CYP26B1: variants seen among roughly 807,000 people sequenced by gnomAD.
CYP26B1 encodes the protein cytochrome P450 26B1.
CYP26B1 carries 8 observed loss-of-function variants against 39.1 expected under a neutral mutation model. The ratio of observed to expected loss-of-function variants is 0.20; its 90% CI spans 0.12 to 0.37. The LOEUF is 0.37. CYP26B1 is among the 10% of genes least tolerant of loss of function. The pLI, the probability that CYP26B1 is intolerant of heterozygous loss-of-function variation, is 1.00. For missense variants in CYP26B1, 615 were observed against 707.0 expected, an observed-to-expected ratio of 0.87 and a Z score of 1.48; for synonymous variants, 321 against 314.3, an observed-to-expected ratio of 1.02 and a Z score of -0.23.
chr2:72,131,886 C>T lies in CYP26B1; in HGVS notation c.*341G>A, dbSNP rs1015113436. 3.1e-4 allele frequency: 92 copies of T among 301,272 alleles called. No homozygotes were observed. Among genetic ancestry groups the T allele is most frequent in the Non-Finnish European group, 3.9e-4 (63 of 159,628 alleles). The allele number at this position is 301,272 out of a possible 1,614,324, so 18.7% of individuals were successfully genotyped here. A position where few individuals can be genotyped will look rare whatever the true frequency, so the allele number is the denominator to read the frequency against. On this transcript the variant is annotated 3_prime_UTR_variant, in exon 6 of 6. Coordinates refer to ENST00000001146, the MANE Select transcript of CYP26B1 (RefSeq NM_019885.4). ...CCCAGCTAAAAGGGTCCGAAAGGAA[C>T]GGAGGGAAGGGAGCAGTTCAGAACA...
intron 2 of CYP26B1, among the ~76,000 whole-genome samples, chr2:72,139,292 C>A (rs536316639): frequency 6.6e-6 from 1 of 152,204 alleles, no homozygotes; most frequent in Non-Finnish European, 1.5e-5. Flanking sequence ...CAGCCGTCCG[C>A]ACAGGGGTGA....
At position 72,132,261 on chromosome 2, in the gene CYP26B1, G is replaced by A. The variant is rs375261360; in HGVS notation, c.1505C>T (p.Pro502Leu). ...GGCGCTCAGCATGGCCTCCGTCTCCGGCAGGATCTCGTTCTGGTTGGAGTC... is the reference window on the plus strand; with the variant it reads ...GGCGCTCAGCATGGCCTCCGTCTCCAGCAGGATCTCGTTCTGGTTGGAGTC... ...GLDSNQNEILPETEAMLSATV is the reference protein window; with the variant it reads ...GLDSNQNEILLETEAMLSATV The change falls in exon 6 of 6, where the codon CCG (proline) becomes CTG (leucine). Residue 502 changes from proline (P) to leucine (L), a missense_variant. Transcript: ENST00000001146. 59 of 1,604,308 alleles carry A rather than the reference G, an allele frequency of 3.7e-5. No homozygotes were observed. Among genetic ancestry groups the A allele is most frequent in the Non-Finnish European group, 4.2e-5 (49 of 1,175,888 alleles).
At chr2:72,143,167 T>G in intron 2 of CYP26B1, 1 of 158,612 alleles carries the variant, frequency 6.3e-6, no homozygotes. Flanking sequence ...GTGGGAGAGG[T>G]CGCGCAGCCT....
intron 2 of CYP26B1, 80 bp from the exon 3 acceptor site, chr2:72,135,499 A>T (rs544926349): frequency 3.2e-5 from 51 of 1,577,988 alleles, no homozygotes; most frequent in Non-Finnish European, 3.9e-5. Context: ...CTGAACAATG[A>T]ATGTGACTGG....
intron 2 of CYP26B1, among the ~76,000 whole-genome samples, chr2:72,143,387 C>T (rs1435934871): frequency 6.7e-6 from 1 of 150,256 alleles, no homozygotes; most frequent in Non-Finnish European, 1.5e-5. Context: ...GGGGTGGGTG[C>T]GCTTTGATCC....
intron 2 of CYP26B1, 109 bp from the exon 3 acceptor site, chr2:72,135,528 C>A: frequency 6.7e-7 from 1 of 1,496,852 alleles, no homozygotes; most frequent in Non-Finnish European, 9.1e-7. Context: ...TCAGCTTCCA[C>A]ACAACAGCAA....
chr2:72,132,536 G>T lies in CYP26B1; in HGVS notation c.1230C>A (p.Asn410Lys). The T allele has an allele frequency of 6.2e-7, 1 of 1,609,632 alleles. No homozygotes were observed. Among genetic ancestry groups the T allele is most frequent in the Non-Finnish European group, 8.5e-7 (1 of 1,176,920 alleles). ...HDTAPVFKDVNVFDPDRFSQA... is the reference protein window; with the variant it reads ...HDTAPVFKDVKVFDPDRFSQA... ...GGCTGAAGCGATCGGGGTCGAACAC[G>T]TTCACGTCTTTGAACACGGGCGCTG... Residue 410 changes from asparagine (N) to lysine (K), a missense_variant, in exon 6 of 6, where the codon AAC (asparagine) becomes AAA (lysine). By Grantham distance (94) the Asn-to-Lys change is moderately conservative (BLOSUM62 0). Transcript: ENST00000001146.
In CYP26B1 at chr2:72,133,088, C is replaced by T; in HGVS notation, c.1081G>A (p.Val361Ile). The change falls in exon 5 of 6, where the codon GTC becomes ATC. Residue 361 changes from valine to isoleucine, a missense_variant. By Grantham distance (29) the Val-to-Ile change is conservative. Transcript: ENST00000001146. ...LRYLDCVIKE[V>I]MRLFTPISGG... ...GAAATGGGCGTGAACAGGCGCATGA[C>T]CTCCTTGATGACGCAGTCCAGGTAG... 2 of 1,613,256 alleles carry T rather than the reference C, an allele frequency of 1.2e-6. No individual in the cohort carries two copies. The highest frequency in any genetic ancestry group is 1.7e-6 in the Non-Finnish European group (2 of 1,180,004).
intron 2 of CYP26B1, among the ~76,000 whole-genome samples, chr2:72,138,370 C>T (rs974505920): frequency 2.8e-4 from 42 of 152,036 alleles, no homozygotes; most frequent in African/African-American, 8.5e-4. Context: ...GCCAGGGCGG[C>T]GTCAGGGCGG....
At position 72,144,046 on chromosome 2, in the gene CYP26B1, C is replaced by A; in HGVS notation, c.372G>T (p.Leu124Phe). Residue 124 changes from leucine to phenylalanine, a missense_variant, in exon 2 of 6, where the codon TTG becomes TTT. Leu to Phe is a conservative substitution (Grantham distance 22). Transcript: ENST00000001146. ...AATTGGACACCGTGTTGGGGCCCAG[C>A]AACATGCGGGTGCTGCGAGGCCACT... ...STEWPRSTRM[L>F]LGPNTVSNSI... The A allele has an allele frequency of 1.2e-6, 2 of 1,613,836 alleles. No individual in the cohort carries two copies. Among genetic ancestry groups the A allele is most frequent in the African/African-American group, 1.3e-5 (1 of 75,074 alleles).
In CYP26B1 at chr2:72,140,338, G is replaced by A. The variant is rs573216684; in HGVS notation, c.429+3651C>T. Reference sequence around the variant, plus strand: ...CCCCCACTGACCTTCAGATAGATCCGCTCCTGCTACCCGCCCCCCTCAGCA... The same window carrying A: ...CCCCCACTGACCTTCAGATAGATCCACTCCTGCTACCCGCCCCCCTCAGCA... On this transcript the variant is annotated intron_variant, in intron 2 of 5. Transcript: ENST00000001146. Among the ~76,000 whole-genome samples, 4 of 152,302 alleles carry A rather than the reference G, an allele frequency of 2.6e-5. No homozygotes were observed. In the East Asian group the frequency reaches 5.8e-4, roughly 22 times the overall value.
intron 1 of CYP26B1, among the ~76,000 whole-genome samples, chr2:72,146,624 C>T (rs1677130662): frequency 6.6e-6 from 1 of 152,260 alleles, no homozygotes; most frequent in Non-Finnish European, 1.5e-5. Flanking sequence ...GCTCACCTTT[C>T]GCTTCACCTC....
chr2:72,135,914 A>G (rs1422000069), intron 2 of CYP26B1, among the ~76,000 whole-genome samples: 1 of 152,206 alleles, frequency 6.6e-6, no homozygotes, highest in African/African-American at 2.4e-5. Context: ...CAGTGTGGCC[A>G]GGTCCAAAAG....
intron 4 of CYP26B1, 73 bp from the exon 5 acceptor site, chr2:72,133,380 T>C (rs1676658994): frequency 3.2e-6 from 5 of 1,539,344 alleles, no homozygotes; most frequent in Non-Finnish European, 4.4e-6. Context: ...ATTCAGTCAG[T>C]GGCCCGTGTG....
intron 1 of CYP26B1, among the ~76,000 whole-genome samples, chr2:72,146,827 C>T (rs1422937917): frequency 6.6e-6 from 1 of 152,178 alleles, no homozygotes; most frequent in Non-Finnish European, 1.5e-5. Context: ...GGTTAATCTC[C>T]CCATTACCTA....
In CYP26B1 at chr2:72,143,964, G is replaced by A. The variant is rs767143324; in HGVS notation, c.429+25C>T. 20 of 1,612,276 alleles carry A rather than the reference G, an allele frequency of 1.2e-5. No homozygotes were observed. In the East Asian group the frequency reaches 2.0e-4, roughly 16 times the overall value. ...CCCCGAGGTGGGGGAGGGATTGCGC[G>A]GAAGAAAACGGGCAGAGTTCTTACC... On this transcript the variant is annotated intron_variant, in intron 2 of 5. Transcript: ENST00000001146.
Position 72,131,225 on chromosome 2 carries a change from A to C in CYP26B1, c.*1002T>G, listed in dbSNP as rs1395161286. The C allele has an allele frequency of 1.3e-5, 2 of 152,590 alleles. No homozygotes were observed. The highest frequency in any genetic ancestry group is 3.9e-4 in the East Asian group (2 of 5,176). The allele number at this position is 152,590 out of a possible 1,614,324, so 9.5% of individuals were successfully genotyped here. A position where few individuals can be genotyped will look rare whatever the true frequency, so the allele number is the denominator to read the frequency against. ...CCACATTCCATCTCCACCAGGGATA[A>C]GGCAGAGGCACCGGACTTCAGTCCA... is the stretch of plus-strand genomic sequence containing the variant. On this transcript the variant is annotated 3_prime_UTR_variant, in exon 6 of 6. Transcript: ENST00000001146.
chr2:72,147,523 G>T lies in CYP26B1; in HGVS notation c.204+108C>A. ...GAGAGGAGGGAAGGGGCGGGGCGGGGACCAGTGCCTTCAGGCTCCCGGCGC... is the reference window on the plus strand; with the variant it reads ...GAGAGGAGGGAAGGGGCGGGGCGGGTACCAGTGCCTTCAGGCTCCCGGCGC... On this transcript the variant is annotated intron_variant, in intron 1 of 5. Coordinates refer to ENST00000001146, the MANE Select transcript of CYP26B1 (RefSeq NM_019885.4). This position sits in a 1 kb window ranked among gnomAD's most constrained non-coding sequence, Gnocchi z 6.1. The T allele has an allele frequency of 1.8e-6, 2 of 1,123,230 alleles. No homozygotes were observed. The highest frequency in any genetic ancestry group is 2.4e-6 in the Non-Finnish European group (2 of 820,712). The allele number at this position is 1,123,230 out of a possible 1,614,324, so 69.6% of individuals were successfully genotyped here.
chr2:72,144,270 G>T, intron 1 of CYP26B1, 57 bp from the exon 2 acceptor site: 1 of 1,553,928 alleles, frequency 6.4e-7, no homozygotes, highest in South Asian at 1.2e-5. Context: ...GGGCCCGCGA[G>T]GGAGGGGCGG....
Sources: gnomAD v4.1 joint callset for allele counts (sites outside exome capture counted in the v4.1 genomes callset) on GRCh38, gnomAD v4.1.1 for gene constraint, Gnocchi (gnomAD v3.1) non-coding constraint, MANE v1.5 for transcripts, NCBI Gene and HGNC (gene_info 2026-07-23, HGNC 2026-07-21) for gene names.